CRY1: variants seen among roughly 807,000 people sequenced by gnomAD.
CRY1 encodes cryptochrome circadian regulator 1.
A neutral mutation model predicts 76.0 loss-of-function variants in CRY1; 45 were observed. The ratio of observed to expected loss-of-function variants is 0.59; its 90% confidence interval spans 0.47 to 0.76. CRY1 has a LOEUF of 0.76. Among genes scored for constraint, CRY1 ranks in the 30% least tolerant of loss-of-function variants. CRY1 has a pLI of 0.00. For synonymous variants in CRY1, 248 were observed against 244.0 expected (o/e 1.02, Z -0.15); for missense variants, 587 against 716.4 (o/e 0.82, Z 2.06).
rs550100941 is a variant in CRY1 at position 107,066,056 on chromosome 12, T to C, written c.158+26748A>G. ...AAAGTATCATAAGGCTCATTCTGAC[T>C]ACACAGTCGTACAACCTAGTTTTTA... On this transcript the variant is annotated intron_variant, in intron 1 of 12. Coordinates refer to ENST00000008527, the MANE Select transcript of CRY1 (RefSeq NM_004075.5). Among the ~76,000 whole-genome samples the C allele has an allele frequency of 5.3e-5, 8 of 152,318 alleles. No individual in the cohort carries two copies. In the East Asian group the frequency reaches 1.2e-3, roughly 22 times the overall value.
rs369210073 is a variant in CRY1, at chr12:107,009,470, T to A, written c.268-4222A>T. The stretch of plus-strand genomic sequence containing the variant: ...AGGAGAATTGCTTGAACCCGGGAGG[T>A]AGACGTTGCAGTGAGCCAAGGTTGT... On this transcript the variant is annotated intron_variant, in intron 2 of 12. Transcript: ENST00000008527. Among the ~76,000 whole-genome samples the A allele has an allele frequency of 2.1e-4, 32 of 149,620 alleles. No individual in the cohort carries two copies. In the East Asian group the frequency reaches 6.3e-3, roughly 29 times the overall value.
chr12:106,997,680 G>C lies in CRY1; in HGVS notation c.1300C>G (p.Pro434Ala). 6.2e-7 allele frequency: 1 copy of C among 1,613,870 alleles called. No individual in the cohort carries two copies. Among genetic ancestry groups the C allele is most frequent in the East Asian group, 2.2e-5 (1 of 44,870 alleles). ...PNGDYIRRYL[P>A]VLRGFPAKYI... ...TTTGCAGGGAAGCCTCTTAGGACAGGCAAATAACGCCTTTGGGAGAAAAAA... is the reference window on the plus strand; with the variant it reads ...TTTGCAGGGAAGCCTCTTAGGACAGCCAAATAACGCCTTTGGGAGAAAAAA... Residue 434 changes from proline (P) to alanine (A), a missense_variant, in exon 9 of 13, where the codon CCT becomes GCT. Transcript: ENST00000008527.
intron 1 of CRY1, among the ~76,000 whole-genome samples, chr12:107,083,291 G>A (rs1953350175): frequency 6.6e-6 from 1 of 152,156 alleles, no homozygotes. Context: ...CATTCCTTCT[G>A]AAATTATTCC....
chr12:107,086,738 A>T (rs560328488), intron 1 of CRY1, among the ~76,000 whole-genome samples: 1 of 152,342 alleles, frequency 6.6e-6, no homozygotes, highest in African/African-American at 2.4e-5. Context: ...TTCCACCTAG[A>T]TTTCACAAGA....
chr12:107,043,650 G>GA (rs1952822522), intron 1 of CRY1, among the ~76,000 whole-genome samples: 1 of 152,184 alleles, frequency 6.6e-6, no homozygotes, highest in African/African-American at 2.4e-5. Context: ...TAGCTACCTA[G>GA]AGTGTGAGTT....
At chr12:107,034,322 C>A (rs1054430690) in intron 1 of CRY1, among the ~76,000 whole-genome samples, 1 of 152,108 alleles carries the variant, frequency 6.6e-6, no homozygotes, top group Non-Finnish European at 1.5e-5. Context: ...GAAATCTTCA[C>A]TTCTGACAAC....
intron 1 of CRY1, among the ~76,000 whole-genome samples, chr12:107,036,246 G>A (rs1223081252): frequency 6.6e-6 from 1 of 152,328 alleles, no homozygotes; most frequent in Admixed American, 6.5e-5. Flanking sequence ...GCCCAGGTAC[G>A]AATGGTGAAT....
intron 1 of CRY1, among the ~76,000 whole-genome samples, chr12:107,082,309 A>T (rs1953336737): frequency 6.6e-6 from 1 of 152,148 alleles, no homozygotes; most frequent in African/African-American, 2.4e-5. Flanking sequence ...ATTAAGAAGG[A>T]TATTCAGGAC....
At chr12:107,037,596 C>G (rs1952749923) in intron 1 of CRY1, among the ~76,000 whole-genome samples, 2 of 152,050 alleles carry the variant, frequency 1.3e-5, no homozygotes, top group Non-Finnish European at 2.9e-5. Context: ...CCGTGTAAAT[C>G]ATGGTAGAGA....
intron 1 of CRY1, among the ~76,000 whole-genome samples, chr12:107,063,355 T>C (rs1014836640): frequency 1.3e-5 from 2 of 152,194 alleles, no homozygotes; most frequent in African/African-American, 4.8e-5. Flanking sequence ...GAGTTGTCAA[T>C]TACCTGACAA....
At chr12:107,042,133 A>G (rs1952805674) in intron 1 of CRY1, among the ~76,000 whole-genome samples, 1 of 152,242 alleles carries the variant, frequency 6.6e-6, no homozygotes, top group Admixed American at 6.5e-5. Flanking sequence ...TAAATGAATG[A>G]CTGAATAATT....
chr12:107,029,257 C>G (rs1158942564), intron 1 of CRY1, among the ~76,000 whole-genome samples: 1 of 152,080 alleles, frequency 6.6e-6, no homozygotes, highest in Non-Finnish European at 1.5e-5. Flanking sequence ...ATCTTCCATT[C>G]TTGGCTTCTC....
chr12:107,006,939 C>T (rs972479213), intron 2 of CRY1, among the ~76,000 whole-genome samples: 4 of 151,904 alleles, frequency 2.6e-5, no homozygotes, highest in Non-Finnish European at 5.9e-5. Flanking sequence ...CCACCATGCC[C>T]AGCCAGTAAT....
At chr12:107,081,844 G>A (rs955154827) in intron 1 of CRY1, among the ~76,000 whole-genome samples, 4 of 151,958 alleles carry the variant, frequency 2.6e-5, no homozygotes, top group African/African-American at 9.7e-5. Flanking sequence ...AGGGATTAGT[G>A]CCTGATATAG....
At chr12:107,058,666 T>A (rs902796145) in intron 1 of CRY1, among the ~76,000 whole-genome samples, 1 of 152,236 alleles carries the variant, frequency 6.6e-6, no homozygotes, top group Non-Finnish European at 1.5e-5. Flanking sequence ...ATTATTAGAC[T>A]GGCAATAACA....
chr12:107,072,310 A>T (rs559655947), intron 1 of CRY1, among the ~76,000 whole-genome samples: 2 of 152,350 alleles, frequency 1.3e-5, no homozygotes, highest in South Asian at 4.1e-4. Context: ...TATTGACTCA[A>T]TAAACCTTCC....
At chr12:107,053,205 T>C (rs191562363) in intron 1 of CRY1, among the ~76,000 whole-genome samples, 47 of 152,212 alleles carry the variant, frequency 3.1e-4, no homozygotes, top group African/African-American at 9.2e-4. Context: ...AAAAATAACA[T>C]TTATAGAATA....
chr12:107,040,257 G>A (rs986893666), intron 1 of CRY1, among the ~76,000 whole-genome samples: 2 of 148,300 alleles, frequency 1.3e-5, no homozygotes, highest in African/African-American at 5.0e-5. Context: ...TATGAGAGAT[G>A]AATACTTTCT....
At chr12:107,026,157 A>ACATATATATGTTACATATGTTATATATGT (rs1160937379) in intron 1 of CRY1, among the ~76,000 whole-genome samples, 1 of 75,706 alleles carries the variant, frequency 1.3e-5, no homozygotes, top group Non-Finnish European at 2.4e-5. Flanking sequence ...TATATATATA[A>ACATATATATGTTACATATGTTATATATGT]AATATATATA....
Sources: gnomAD v4.1 joint callset for allele counts (sites outside exome capture counted in the v4.1 genomes callset) on GRCh38, gnomAD v4.1.1 for gene constraint, MANE v1.5 for transcripts, NCBI Gene and HGNC (gene_info 2026-07-23, HGNC 2026-07-21) for gene names.